Variants in DLGAP1 observed in about 807,000 individuals in gnomAD.
DLGAP1 encodes the protein DLG associated protein 1, also known as disks large-associated protein 1.
DLGAP1 carries 11 observed loss-of-function variants against 90.8 expected under a neutral mutation model. The ratio of observed to expected loss-of-function variants is 0.12; its 90% CI spans 0.08 to 0.20. The LOEUF is 0.20. Ranked by LOEUF, DLGAP1 falls within the 10% of genes least tolerant of loss-of-function variation. DLGAP1 has a pLI of 1.00. For missense variants in DLGAP1, 1,050 were observed against 1,333.8 expected, an observed-to-expected ratio of 0.79 and a Z score of 3.31; for synonymous variants, 558 against 540.7, an observed-to-expected ratio of 1.03 and a Z score of -0.44.
chr18:3,501,008 G>A (rs925141951), intron 12 of DLGAP1, among the ~76,000 whole-genome samples: 4 of 151,968 alleles, frequency 2.6e-5, no homozygotes, highest in Admixed American at 6.6e-5. Flanking sequence ...CAAACTCTCC[G>A]AGTTCAAGCA....
intron 10 of DLGAP1, 122 bp from the exon 11 acceptor site, chr18:3,508,783 A>T: frequency 1.4e-6 from 1 of 702,464 alleles, no homozygotes; most frequent in Admixed American, 2.6e-5. Context: ...CACACACTGA[A>T]CACTCATGCC....
At chr18:3,827,884 C>T (rs2067806703) in intron 4 of DLGAP1, among the ~76,000 whole-genome samples, 1 of 152,182 alleles carries the variant, frequency 6.6e-6, no homozygotes, top group Non-Finnish European at 1.5e-5. Flanking sequence ...TGCCACAGTG[C>T]TCTGCCACAT....
At chr18:3,987,172 T>A (rs1012627681) in intron 3 of DLGAP1, among the ~76,000 whole-genome samples, 1 of 152,160 alleles carries the variant, frequency 6.6e-6, no homozygotes, top group African/African-American at 2.4e-5. Flanking sequence ...ATCTGTCAAA[T>A]GGTAGAGTGC....
chr18:3,826,235 C>G (rs1235561400), intron 4 of DLGAP1, among the ~76,000 whole-genome samples: 1 of 152,126 alleles, frequency 6.6e-6, no homozygotes, highest in Non-Finnish European at 1.5e-5. Context: ...TGCAATCTAT[C>G]CACGTAACAA....
At chr18:4,391,691 T>C (rs1292512889) in intron 1 of DLGAP1, among the ~76,000 whole-genome samples, 4 of 152,112 alleles carry the variant, frequency 2.6e-5, no homozygotes, top group Non-Finnish European at 4.4e-5. Context: ...CAAGTAGAAA[T>C]ACTGACTTTT....
intron 7 of DLGAP1, among the ~76,000 whole-genome samples, chr18:3,683,801 G>A (rs420186): frequency 0.59 from 90,093 of 152,006 alleles, 28,330 homozygotes; most frequent in African/African-American, 0.81. Context: ...AGGAAATACA[G>A]TTAGTGTTTG....
At chr18:4,010,299 C>T (rs180774500) in intron 2 of DLGAP1, among the ~76,000 whole-genome samples, 22 of 152,310 alleles carry the variant, frequency 1.4e-4, no homozygotes, top group Admixed American at 1.2e-3. Flanking sequence ...AATCCCAGCA[C>T]TTTGGGAAGC....
At chr18:4,090,082 T>TA (rs1300475715) in intron 2 of DLGAP1, among the ~76,000 whole-genome samples, 7 of 151,826 alleles carry the variant, frequency 4.6e-5, no homozygotes, top group Non-Finnish European at 7.4e-5. Flanking sequence ...CCTTACATCT[T>TA]AAACAAAAAT....
At chr18:3,506,350 C>T (rs968037720) in intron 11 of DLGAP1, among the ~76,000 whole-genome samples, 2 of 151,152 alleles carry the variant, frequency 1.3e-5, no homozygotes, top group African/African-American at 4.9e-5. Context: ...CCTGTCTCTA[C>T]TAAAAATACA....
At chr18:3,988,609 G>A (rs1213253685) in intron 3 of DLGAP1, among the ~76,000 whole-genome samples, 1 of 152,084 alleles carries the variant, frequency 6.6e-6, no homozygotes, top group Non-Finnish European at 1.5e-5. Flanking sequence ...TGATCTGACA[G>A]GAAGTGGAGC....
At chr18:3,854,342 G>T (rs993382662) in intron 4 of DLGAP1, among the ~76,000 whole-genome samples, 1 of 152,012 alleles carries the variant, frequency 6.6e-6, no homozygotes, top group African/African-American at 2.4e-5. Flanking sequence ...ATACAATTAT[G>T]AGTATTAAAA....
At chr18:3,807,340 C>T (rs1029256431) in intron 5 of DLGAP1, among the ~76,000 whole-genome samples, 1 of 152,156 alleles carries the variant, frequency 6.6e-6, no homozygotes, top group African/African-American at 2.4e-5. Context: ...TTAGTAAGTT[C>T]AACTTTCCGT....
At chr18:3,534,653 ATTTC>A (rs752218280) in intron 9 of DLGAP1, 38 bp from the exon 10 acceptor site, 18 of 1,397,558 alleles carry the variant, frequency 1.3e-5, no homozygotes, top group African/African-American at 1.2e-4. Context: ...GTTAGAGGAT[ATTTC>A]TTTCTTTCCT....
At chr18:4,009,445 T>C (rs1414711223) in intron 2 of DLGAP1, among the ~76,000 whole-genome samples, 1 of 152,198 alleles carries the variant, frequency 6.6e-6, no homozygotes, top group Non-Finnish European at 1.5e-5. Flanking sequence ...ACACATTTGT[T>C]TATTCAATCA....
intron 1 of DLGAP1, among the ~76,000 whole-genome samples, chr18:4,214,661 C>T (rs899673876): frequency 6.6e-6 from 1 of 152,112 alleles, no homozygotes; most frequent in African/African-American, 2.4e-5. Flanking sequence ...AAATAGTTCA[C>T]CCTCCTTAAC....
At chr18:4,007,530 C>A (rs1163087051) in intron 2 of DLGAP1, among the ~76,000 whole-genome samples, 3 of 152,070 alleles carry the variant, frequency 2.0e-5, no homozygotes, top group Non-Finnish European at 4.4e-5. Flanking sequence ...GTGGCTGGCA[C>A]CTGTAATCCC....
At chr18:3,720,989 G>C (rs2147344662) in intron 7 of DLGAP1, among the ~76,000 whole-genome samples, 1 of 151,538 alleles carries the variant, frequency 6.6e-6, no homozygotes. Context: ...ACAGGATGTT[G>C]AGGCTGCAGT....
chr18:4,431,041 CAT>C (rs1310065477), intron 1 of DLGAP1: 1 of 153,380 alleles, frequency 6.5e-6, no homozygotes, highest in African/African-American at 2.4e-5. Context: ...CGGCTCCTAA[CAT>C]GTGCCCTGTT....
chr18:3,830,063 T>G (rs2067945437), intron 4 of DLGAP1, among the ~76,000 whole-genome samples: 1 of 152,182 alleles, frequency 6.6e-6, no homozygotes, highest in Non-Finnish European at 1.5e-5. Context: ...GACCATCTCC[T>G]CACTGGTTGT....
Sources: gnomAD v4.1 joint callset for allele counts (sites outside exome capture counted in the v4.1 genomes callset) on GRCh38, gnomAD v4.1.1 for gene constraint, MANE v1.5 for transcripts, NCBI Gene and HGNC (gene_info 2026-07-23, HGNC 2026-07-21) for gene names.